Variants in TAF1B observed in about 807,000 individuals in gnomAD.
The protein encoded by TAF1B is TATA box-binding protein-associated factor RNA polymerase I subunit B.
In TAF1B, 61 loss-of-function variants were observed where a neutral mutation model predicts 83.9. That is an observed-to-expected ratio of 0.73 (90% CI 0.59 to 0.90). TAF1B has a LOEUF of 0.90. TAF1B is among the 40% of genes least tolerant of loss of function. TAF1B has a pLI of 0.00. For synonymous variants in TAF1B, 221 were observed against 224.6 expected (o/e 0.98, Z 0.14); for missense variants, 625 against 677.0 (o/e 0.92, Z 0.85).
At chr2:9,861,024 C>T (rs565779799) in intron 5 of TAF1B, among the ~76,000 whole-genome samples, 6 of 152,294 alleles carry the variant, frequency 3.9e-5, no homozygotes, top group East Asian at 1.9e-4. Context: ...GCATGAGCAG[C>T]GCAGAAGACG....
At chr2:9,849,894 C>T (rs2125134609) in intron 3 of TAF1B, among the ~76,000 whole-genome samples, 1 of 152,224 alleles carries the variant, frequency 6.6e-6, no homozygotes, top group South Asian at 2.1e-4. Flanking sequence ...TAAAGTCTAA[C>T]TGATGGTTTT....
At chr2:9,896,116 G>A (rs1259179236) in intron 8 of TAF1B, among the ~76,000 whole-genome samples, 1 of 152,128 alleles carries the variant, frequency 6.6e-6, no homozygotes, top group Non-Finnish European at 1.5e-5. Flanking sequence ...AAATGGACCT[G>A]TATCACTCGA....
At chr2:9,922,567 C>T (rs931146466) in intron 14 of TAF1B, among the ~76,000 whole-genome samples, 1 of 152,086 alleles carries the variant, frequency 6.6e-6, no homozygotes, top group Non-Finnish European at 1.5e-5. Flanking sequence ...CCCCAACACC[C>T]CTCATTATTC....
At chr2:9,912,772 CG>C (rs1380422871) in intron 11 of TAF1B, among the ~76,000 whole-genome samples, 1 of 152,146 alleles carries the variant, frequency 6.6e-6, no homozygotes, top group African/African-American at 2.4e-5. Context: ...GTCCAAGAAC[CG>C]TGAGTTCTAT....
chr2:9,897,004 C>A (rs1031682542), intron 8 of TAF1B, among the ~76,000 whole-genome samples: 2 of 152,148 alleles, frequency 1.3e-5, no homozygotes, highest in Non-Finnish European at 2.9e-5. Context: ...GGAGATAACC[C>A]TCTTCTCCTT....
chr2:9,914,783 G>A lies in TAF1B; in HGVS notation c.1271+1534G>A, dbSNP rs2125175243. ...TCCAAGGTCCTTCTTCCTAGAGTAT[G>A]TGCTGAGGGCTGACACACACGTGCA... On this transcript the variant is annotated intron_variant, in intron 12 of 14. Coordinates refer to ENST00000263663, the MANE Select transcript of TAF1B (RefSeq NM_005680.3). The surrounding 1 kb of genome is among the most constrained non-coding windows in gnomAD (Gnocchi z 4.3). 6.6e-6 allele frequency among the ~76,000 whole-genome samples: 1 copy of A among 152,270 alleles called. No individual in the cohort carries two copies. The highest frequency in any genetic ancestry group is 2.1e-4 in the South Asian group (1 of 4,820).
intron 14 of TAF1B, among the ~76,000 whole-genome samples, chr2:9,925,092 G>A (rs1408039374): frequency 6.6e-6 from 1 of 152,142 alleles, no homozygotes; most frequent in African/African-American, 2.4e-5. Context: ...CCACAAAAAT[G>A]TGATTTTAAT....
In TAF1B at chr2:9,913,220, A is replaced by G. The variant is rs1553292250; in HGVS notation, c.1242A>G (p.Lys414=). ...YQIMKKAFDE[K]KQKWEEARAK... ...TTATGAAGAAAGCTTTTGATGAGAA[A>G]AAACAAAAATGGGAAGAAGCAAGGG... The change falls in exon 12 of 15, where the codon AAA becomes AAG. Residue 414 remains lysine (K), a synonymous_variant. Coordinates refer to ENST00000263663, the MANE Select transcript of TAF1B (RefSeq NM_005680.3). The G allele has an allele frequency of 6.2e-7, 1 of 1,613,598 alleles. No individual in the cohort carries two copies. The highest frequency in any genetic ancestry group is 8.5e-7 in the Non-Finnish European group (1 of 1,179,820).
At chr2:9,898,584 G>A (rs1374136235) in intron 8 of TAF1B, among the ~76,000 whole-genome samples, 2 of 152,148 alleles carry the variant, frequency 1.3e-5, no homozygotes, top group African/African-American at 4.8e-5. Context: ...GAAAATCAAG[G>A]CTGAAAAGAT....
chr2:9,895,719 G>C (rs1255141498), intron 8 of TAF1B, among the ~76,000 whole-genome samples: 1 of 150,700 alleles, frequency 6.6e-6, no homozygotes, highest in Non-Finnish European at 1.5e-5. Flanking sequence ...CTTGATAACA[G>C]TTTGGTTTAA....
In TAF1B at chr2:9,874,771, G is replaced by C. The variant is rs559629691; in HGVS notation, c.554-1094G>C. The stretch of plus-strand genomic sequence containing the variant: ...ATGGTAGAGGATACCTGAAAGATGG[G>C]GATAGAAGAAGGTGCTGCTCTAGCT... On this transcript the variant is annotated intron_variant, in intron 6 of 14. Coordinates refer to ENST00000263663, the MANE Select transcript of TAF1B (RefSeq NM_005680.3). Among the ~76,000 whole-genome samples the C allele has an allele frequency of 5.5e-4, 84 of 152,284 alleles. 1 individual carries two copies. Among genetic ancestry groups the C allele is most frequent in the South Asian group, 1.5e-3 (7 of 4,826 alleles).
At chr2:9,928,553 TCTC>T in intron 14 of TAF1B, among the ~76,000 whole-genome samples, 1 of 152,314 alleles carries the variant, frequency 6.6e-6, no homozygotes, top group Non-Finnish European at 1.5e-5. Context: ...GGTTTGTAGT[TCTC>T]CTTGAAGAGA....
chr2:9,880,548 G>A (rs78737452), intron 7 of TAF1B, among the ~76,000 whole-genome samples: 47 of 149,070 alleles, frequency 3.2e-4, no homozygotes, highest in East Asian at 1.2e-3. Context: ...TGCTCTTTGC[G>A]GACATTTCTG....
rs1348499094 is a variant in TAF1B, at chr2:9,910,920, G to A, written c.1133+7G>A. On this transcript the variant is annotated splice_region_variant and intron_variant, in intron 10 of 14. Coordinates refer to ENST00000263663, the MANE Select transcript of TAF1B (RefSeq NM_005680.3). ...TGGATGACAGTTTCGAGTGGTAAGT[G>A]TACGTCAATTTTATGACAAGTAACA... is the stretch of plus-strand genomic sequence containing the variant. The A allele has an allele frequency of 3.1e-6, 5 of 1,602,046 alleles. No homozygotes were observed. Among genetic ancestry groups the A allele is most frequent in the East Asian group, 2.2e-5 (1 of 44,682 alleles).
At chr2:9,858,061 A>G (rs1432103972) in intron 5 of TAF1B, among the ~76,000 whole-genome samples, 4 of 152,166 alleles carry the variant, frequency 2.6e-5, no homozygotes, top group East Asian at 1.9e-4. Context: ...CATTAACTCA[A>G]AAGTCCAAGT....
At chr2:9,851,895 C>G in intron 4 of TAF1B, 1 of 608,852 alleles carries the variant, frequency 1.6e-6, no homozygotes, top group Non-Finnish European at 3.1e-6. Context: ...ACAGGTTAAA[C>G]AAAGTAAAAC....
Position 9,904,994 on chromosome 2 carries a change from G to A in TAF1B, c.943G>A (p.Val315Ile). The part of the protein sequence containing the change: ...NILCMKYLME[V>I]NLPDEMHSLT... Reference sequence around the variant, plus strand: ...ACTGTGTATGAAATACTTGATGGAAGTCAACCTCCCTGGTAAGTGTGTGAC... The same window carrying A: ...ACTGTGTATGAAATACTTGATGGAAATCAACCTCCCTGGTAAGTGTGTGAC... Residue 315 changes from valine to isoleucine, a missense_variant, in exon 9 of 15, where the codon GTC becomes ATC. Coordinates refer to ENST00000263663, the MANE Select transcript of TAF1B (RefSeq NM_005680.3). The A allele has an allele frequency of 1.2e-6, 2 of 1,612,150 alleles. No homozygotes were observed. Among genetic ancestry groups the A allele is most frequent in the Non-Finnish European group, 1.7e-6 (2 of 1,178,440 alleles).
chr2:9,896,992 T>G (rs1172524283), intron 8 of TAF1B, among the ~76,000 whole-genome samples: 1 of 152,210 alleles, frequency 6.6e-6, no homozygotes, highest in Admixed American at 6.5e-5. Context: ...TTAAATTAAT[T>G]TGGAGATAAC....
At chr2:9,928,828 TCTC>T (rs1307358495) in intron 14 of TAF1B, among the ~76,000 whole-genome samples, 1 of 152,198 alleles carries the variant, frequency 6.6e-6, no homozygotes, top group African/African-American at 2.4e-5. Context: ...GACTTCCTCT[TCTC>T]CTAATTGAAT....
Sources: allele counts gnomAD v4.1 joint callset (sites outside exome capture counted in the v4.1 genomes callset), GRCh38; gene constraint gnomAD v4.1.1; non-coding constraint Gnocchi (gnomAD v3.1); transcripts MANE v1.5; gene names NCBI Gene and HGNC (gene_info 2026-07-23, HGNC 2026-07-21).